The following STOX1 variants were observed in gnomAD, a reference collection of about 807,000 sequenced individuals.
STOX1 encodes storkhead box 1.
In STOX1, 57 loss-of-function variants were observed where a neutral mutation model predicts 74.8. The ratio of observed to expected loss-of-function variants is 0.76; its 90% confidence interval spans 0.62 to 0.95. STOX1 has a LOEUF of 0.95. STOX1 is among the 40% of genes least tolerant of loss of function. The pLI is 0.00. For missense variants in STOX1, 1,010 were observed against 1,117.0 expected, an observed-to-expected ratio of 0.90 and a Z score of 1.37; for synonymous variants, 375 against 401.3, an observed-to-expected ratio of 0.93 and a Z score of 0.78.
intron 1 of STOX1, among the ~76,000 whole-genome samples, chr10:68,842,543 T>C (rs934819351): frequency 1.3e-4 from 18 of 141,018 alleles, no homozygotes; most frequent in Admixed American, 2.1e-4. Flanking sequence ...TTTCTTTTTT[T>C]TTTTTTTTTT....
intron 1 of STOX1, among the ~76,000 whole-genome samples, chr10:68,875,202 C>A (rs999091902): frequency 2.0e-5 from 3 of 152,212 alleles, no homozygotes; most frequent in African/African-American, 7.2e-5. Context: ...GATCCTCACG[C>A]CCCCCAACCT....
intron 1 of STOX1, among the ~76,000 whole-genome samples, chr10:68,873,233 A>C (rs543411567): frequency 4.2e-5 from 6 of 142,370 alleles, no homozygotes; most frequent in Non-Finnish European, 6.1e-5. Context: ...CCCTCTTTTT[A>C]GGGGCCTGTG....
chr10:68,886,341 C>T lies in STOX1; in HGVS notation c.2545C>T (p.Pro849Ser), dbSNP rs1228101585. 2.5e-6 allele frequency: 4 copies of T among 1,614,166 alleles called. No homozygotes were observed. Among genetic ancestry groups the T allele is most frequent in the South Asian group, 1.1e-5 (1 of 91,084 alleles). ...SVAKCVQASA[P>S]ADERIFDYYS... is the part of the protein sequence containing the mutation. ...TGCTAAATGTGTACAGGCCTCAGCA[C>T]CTGCTGATGAAAGAATCTTTGATTA... is the stretch of plus-strand genomic sequence containing the variant. Residue 849 changes from proline (P) to serine (S), a missense_variant, in exon 3 of 4, where the codon CCT (proline) becomes TCT (serine). Physicochemically the swap from Pro to Ser is moderately conservative, Grantham distance 74. Coordinates refer to ENST00000298596, the MANE Select transcript of STOX1 (RefSeq NM_152709.5).
In STOX1 at chr10:68,892,494, T is replaced by C. The variant is rs1044279965; in HGVS notation, c.2823-95T>C. On this transcript the variant is annotated intron_variant, in intron 3 of 3. Coordinates refer to ENST00000298596, the MANE Select transcript of STOX1 (RefSeq NM_152709.5). ...AAGTGTACCTTTGTATTAGTAAATG[T>C]ACTACTTCAAAGTAGCAAATGGAAG... 3.7e-5 allele frequency: 42 copies of C among 1,147,136 alleles called. No individual in the cohort carries two copies. In the African/African-American group the frequency reaches 6.1e-4, roughly 17 times the overall value. The allele number at this position is 1,147,136 out of a possible 1,614,324, so 71.1% of individuals were successfully genotyped here.
At chr10:68,895,342 G>C (rs1841172272), downstream of STOX1, 1 of 152,184 alleles carries the variant, frequency 6.6e-6, no homozygotes, top group South Asian at 2.1e-4. Flanking sequence ...TGTATTAAAT[G>C]AATCAAGCTC....
At chr10:68,879,819 A>G (rs1280074828) in intron 1 of STOX1, among the ~76,000 whole-genome samples, 9 of 152,162 alleles carry the variant, frequency 5.9e-5, no homozygotes, top group Admixed American at 2.6e-4. Context: ...TCTAGTGGGT[A>G]GAGGCCATAA....
rs559652346 is a variant in STOX1 at position 68,856,682 on chromosome 10, T to C, written c.311-25276T>C. ...TCAGTAGGCCAGACACCCTCCTCCT[T>C]GCTGCAGCGTGGCCCTGCAGCCCTC... is the stretch of plus-strand genomic sequence containing the variant. On this transcript the variant is annotated intron_variant, in intron 1 of 3. Transcript: ENST00000298596. 4.6e-5 allele frequency among the ~76,000 whole-genome samples: 7 copies of C among 152,156 alleles called. 1 individual carries two copies. The highest frequency in any genetic ancestry group is 1.7e-4 in the African/African-American group (7 of 41,450).
Position 68,886,317 on chromosome 10 carries a change from G to T in STOX1, c.2521G>T (p.Ala841Ser). 1.9e-6 allele frequency: 3 copies of T among 1,614,166 alleles called. No homozygotes were observed. The highest frequency in any genetic ancestry group is 2.5e-6 in the Non-Finnish European group (3 of 1,180,028). Reference protein sequence around the residue: ...GFNYEEEPSVAKCVQASAPAD... With the variant: ...GFNYEEEPSVSKCVQASAPAD... ...TAACTACGAAGAAGAACCCAGTGTTGCTAAATGTGTACAGGCCTCAGCACC... is the reference window on the plus strand; with the variant it reads ...TAACTACGAAGAAGAACCCAGTGTTTCTAAATGTGTACAGGCCTCAGCACC... Residue 841 changes from alanine to serine, a missense_variant, in exon 3 of 4, where the codon GCT (alanine) becomes TCT (serine). Transcript: ENST00000298596.
rs747515765 is a variant in STOX1, at chr10:68,885,216, A to G, written c.1420A>G (p.Lys474Glu). 6.2e-7 allele frequency: 1 copy of G among 1,614,240 alleles called. No homozygotes were observed. The highest frequency in any genetic ancestry group is 8.5e-7 in the Non-Finnish European group (1 of 1,180,052). ...AAGCCCAAATGAAATGGTAGGTCAG[A>G]AACCACTTGGTGAGATTACAACAGT... is the stretch of plus-strand genomic sequence containing the variant. ...IKSPNEMVGQ[K>E]PLGEITTVLG... Residue 474 changes from lysine (K) to glutamate (E), a missense_variant, in exon 3 of 4, where the codon AAA becomes GAA. Lys to Glu is a moderately conservative substitution (Grantham distance 56, BLOSUM62 1). Transcript: ENST00000298596.
At chr10:68,848,006 C>T (rs764783230) in intron 1 of STOX1, among the ~76,000 whole-genome samples, 1 of 152,360 alleles carries the variant, frequency 6.6e-6, no homozygotes, top group South Asian at 2.1e-4. Flanking sequence ...CCTGGGATTA[C>T]AGGCGTGAGC....
intron 1 of STOX1, among the ~76,000 whole-genome samples, chr10:68,839,568 G>C (rs1227763526): frequency 6.6e-6 from 1 of 152,088 alleles, no homozygotes; most frequent in East Asian, 1.9e-4. Context: ...AAAAAACAAA[G>C]CTTGAAGCAT....
chr10:68,856,165 C>T (rs7903938), intron 1 of STOX1, among the ~76,000 whole-genome samples: 130,565 of 152,040 alleles, frequency 0.86, 56,998 homozygotes, highest in East Asian at 0.99. Flanking sequence ...CAGCTAAAGA[C>T]GGGTCACGTG....
intron 1 of STOX1, among the ~76,000 whole-genome samples, chr10:68,839,898 CAAA>C (rs1236200875): frequency 1.3e-5 from 2 of 151,446 alleles, no homozygotes; most frequent in African/African-American, 4.9e-5. Flanking sequence ...CAAAACAAAA[CAAA>C]AACCACACAC....
intron 1 of STOX1, among the ~76,000 whole-genome samples, chr10:68,852,219 C>T (rs1245605753): frequency 1.3e-5 from 2 of 149,998 alleles, no homozygotes; most frequent in African/African-American, 4.9e-5. Flanking sequence ...TTGTGATTTG[C>T]CTGTATGAGT....
intron 1 of STOX1, among the ~76,000 whole-genome samples, chr10:68,854,800 CAA>C (rs1840080604): frequency 1.3e-5 from 2 of 152,122 alleles, no homozygotes; most frequent in Non-Finnish European, 2.9e-5. Flanking sequence ...CCCCTGGTAA[CAA>C]AGAGTTTACA....
At chr10:68,873,765 C>T (rs1366784816) in intron 1 of STOX1, among the ~76,000 whole-genome samples, 2 of 150,704 alleles carry the variant, frequency 1.3e-5, no homozygotes, top group East Asian at 3.9e-4. Flanking sequence ...ATTCTCCTGC[C>T]TCAGCCTCTT....
At chr10:68,853,463 G>C (rs1840040636) in intron 1 of STOX1, among the ~76,000 whole-genome samples, 1 of 152,036 alleles carries the variant, frequency 6.6e-6, no homozygotes, top group Admixed American at 6.6e-5. Flanking sequence ...AATTAACCTG[G>C]CTCAAGACAT....
At chr10:68,866,132 C>G (rs1290912590) in intron 1 of STOX1, among the ~76,000 whole-genome samples, 1 of 152,116 alleles carries the variant, frequency 6.6e-6, no homozygotes, top group Non-Finnish European at 1.5e-5. Flanking sequence ...CTTGTGCTCC[C>G]TATTGTTGTA....
intron 1 of STOX1, among the ~76,000 whole-genome samples, chr10:68,861,235 A>G (rs1026332609): frequency 4.6e-5 from 7 of 152,230 alleles, no homozygotes; most frequent in South Asian, 4.1e-4. Context: ...TGACCCACCT[A>G]TTTATTGACA....
Sources: gnomAD v4.1 joint callset for allele counts (sites outside exome capture counted in the v4.1 genomes callset) on GRCh38, gnomAD v4.1.1 for gene constraint, MANE v1.5 for transcripts, NCBI Gene and HGNC (gene_info 2026-07-23, HGNC 2026-07-21) for gene names.